Variants in BTRC observed in about 807,000 individuals in gnomAD.
BTRC encodes the protein F-box/WD repeat-containing protein 1A.
A neutral mutation model predicts 85.5 loss-of-function variants in BTRC; 42 were observed. The observed-to-expected ratio is 0.49, with a 90% confidence interval of 0.38 to 0.64. The LOEUF (loss-of-function observed/expected upper bound fraction) is 0.64, where lower values mean the gene tolerates loss of function less well. Ranked by LOEUF, BTRC falls within the 30% of genes least tolerant of loss-of-function variation. The pLI, the probability that BTRC is intolerant of heterozygous loss-of-function variation, is 0.00. For missense variants in BTRC, 594 were observed against 743.5 expected, an observed-to-expected ratio of 0.80 and a Z score of 2.34; for synonymous variants, 255 against 263.3, an observed-to-expected ratio of 0.97 and a Z score of 0.30.
Position 101,462,055 on chromosome 10 carries a change from A to G in BTRC, c.231A>G (p.Arg77=). Residue 77 remains arginine, a synonymous_variant, in exon 3 of 15, where the codon AGA becomes AGG. Coordinates refer to ENST00000370187, the MANE Select transcript of BTRC (RefSeq NM_033637.4). ...TAATACCAGAGAAGAATTCACTTAGACAGGTATGAAATTCAGCCTTACTTA... is the reference window on the plus strand; with the variant it reads ...TAATACCAGAGAAGAATTCACTTAGGCAGGTATGAAATTCAGCCTTACTTA... ...RKIIPEKNSL[R]QTYNSCARLC... is the part of the protein sequence containing the mutation. 1.2e-6 allele frequency: 2 copies of G among 1,607,780 alleles called. No individual in the cohort carries two copies. Among genetic ancestry groups the G allele is most frequent in the Non-Finnish European group, 1.7e-6 (2 of 1,175,282 alleles).
intron 1 of BTRC, among the ~76,000 whole-genome samples, chr10:101,381,295 A>C (rs114453878): frequency 2.6e-4 from 40 of 152,282 alleles, no homozygotes; most frequent in African/African-American, 9.6e-4. Flanking sequence ...ACAGGTTGTT[A>C]CTTTTTCCAG....
chr10:101,528,294 T>C (rs2062230228), intron 6 of BTRC, among the ~76,000 whole-genome samples: 1 of 135,122 alleles, frequency 7.4e-6, no homozygotes, highest in African/African-American at 2.5e-5. Flanking sequence ...GGCAGATGGA[T>C]GTGAAAATGC....
chr10:101,359,604 A>T (rs1478686451), intron 1 of BTRC, among the ~76,000 whole-genome samples: 106 of 137,928 alleles, frequency 7.7e-4, no homozygotes, highest in Non-Finnish European at 5.5e-4. Context: ...ATTTTGTTGT[A>T]TTTTTTTTTT....
At chr10:101,433,767 A>G (rs555818299) in intron 2 of BTRC, among the ~76,000 whole-genome samples, 1 of 152,292 alleles carries the variant, frequency 6.6e-6, no homozygotes, top group East Asian at 1.9e-4. Flanking sequence ...TCTGGCTATA[A>G]GAAGATGCAT....
chr10:101,554,357 C>G lies in BTRC; in HGVS notation c.*1234C>G, dbSNP rs773656050. ...AATACCCAGGTGCCTGTATCTTTGC[C>G]AAGACCGTGATCAAGGTAGCTTAAG... is the stretch of plus-strand genomic sequence containing the variant. On this transcript the variant is annotated 3_prime_UTR_variant, in exon 15 of 15. Transcript: ENST00000370187. 6.6e-6 allele frequency: 1 copy of G among 152,214 alleles called. No homozygotes were observed. Among genetic ancestry groups the G allele is most frequent in the Non-Finnish European group, 1.5e-5 (1 of 68,026 alleles). 9.4% of individuals were successfully genotyped at this position (152,214 alleles called of 1,614,324 possible). A position where few individuals can be genotyped will look rare whatever the true frequency, so the allele number is the denominator to read the frequency against.
At chr10:101,380,470 G>A (rs1225929263) in intron 1 of BTRC, among the ~76,000 whole-genome samples, 2 of 152,044 alleles carry the variant, frequency 1.3e-5, no homozygotes, top group East Asian at 3.9e-4. Flanking sequence ...CTTCACACTT[G>A]GAGGGTTGCA....
chr10:101,366,949 T>TATATATATTAATATATTA (rs1554862295), intron 1 of BTRC, among the ~76,000 whole-genome samples: 4 of 39,502 alleles, frequency 1.0e-4, no homozygotes, highest in African/African-American at 3.1e-4. Flanking sequence ...TATATATATT[T>TATATATATTAATATATTA]ATATATATAT....
At chr10:101,519,074 C>CG (rs2062063833) in intron 4 of BTRC, among the ~76,000 whole-genome samples, 1 of 104,936 alleles carries the variant, frequency 9.5e-6, no homozygotes, top group African/African-American at 3.5e-5. Flanking sequence ...CTCTTCTCAG[C>CG]TTTTTTTTTT....
chr10:101,419,249 G>T (rs369047909), intron 1 of BTRC, among the ~76,000 whole-genome samples: 3 of 152,052 alleles, frequency 2.0e-5, no homozygotes, highest in Admixed American at 6.6e-5. Flanking sequence ...GACCTCAGGC[G>T]ATCCACCCAC....
At chr10:101,526,258 C>G in intron 6 of BTRC, 59 bp downstream of exon 6, 3 of 1,506,272 alleles carry the variant, frequency 2.0e-6, no homozygotes, top group Non-Finnish European at 2.7e-6. Context: ...TTCACAGTCA[C>G]TGAAAGATTT....
At chr10:101,409,734 G>A (rs2134019743) in intron 1 of BTRC, among the ~76,000 whole-genome samples, 1 of 152,326 alleles carries the variant, frequency 6.6e-6, no homozygotes, top group East Asian at 1.9e-4. Flanking sequence ...GACCACCATG[G>A]TATATGCAGT....
Position 101,475,613 on chromosome 10 carries a change from C to T in BTRC, c.235-3755C>T, listed in dbSNP as rs150222199. Among the ~76,000 whole-genome samples, 697 of 152,062 alleles carry T rather than the reference C, an allele frequency of 4.6e-3. 3 individuals are homozygous for T. The highest frequency in any genetic ancestry group is 7.7e-3 in the Admixed American group (118 of 15,270). The stretch of plus-strand genomic sequence containing the variant: ...GGAGTTATATATCTCTACTATTTTC[C>T]CCATTTTTTCTTAAATTTTATCTAT... On this transcript the variant is annotated intron_variant, in intron 3 of 14. Transcript: ENST00000370187.
At chr10:101,402,000 CTGT>C (rs1589424991) in intron 1 of BTRC, among the ~76,000 whole-genome samples, 1 of 152,176 alleles carries the variant, frequency 6.6e-6, no homozygotes, top group East Asian at 1.9e-4. Flanking sequence ...CTTTTAAGAT[CTGT>C]TGTTTTCTGT....
intron 1 of BTRC, among the ~76,000 whole-genome samples, chr10:101,414,214 A>G (rs1189273993): frequency 6.6e-6 from 1 of 152,214 alleles, no homozygotes; most frequent in Non-Finnish European, 1.5e-5. Context: ...GGATTTATAC[A>G]GTACAGGCAT....
intron 1 of BTRC, among the ~76,000 whole-genome samples, chr10:101,402,995 CT>C (rs1294328593): frequency 2.0e-5 from 3 of 152,066 alleles, no homozygotes; most frequent in Non-Finnish European, 4.4e-5. Flanking sequence ...GTGGCTAAAC[CT>C]TTAAATCTCT....
At chr10:101,521,903 T>C in intron 5 of BTRC, 33 bp downstream of exon 5, 1 of 1,523,340 alleles carries the variant, frequency 6.6e-7, no homozygotes, top group Non-Finnish European at 9.1e-7. Context: ...ACCATTAATT[T>C]GCTATGATGA....
intron 2 of BTRC, among the ~76,000 whole-genome samples, chr10:101,438,680 T>C: frequency 6.6e-6 from 1 of 152,170 alleles, no homozygotes; most frequent in Non-Finnish European, 1.5e-5. Flanking sequence ...GTACTTGTTT[T>C]GTTACTGGTA....
intron 2 of BTRC, among the ~76,000 whole-genome samples, chr10:101,443,646 GT>G (rs1273859890): frequency 6.6e-6 from 1 of 152,160 alleles, no homozygotes; most frequent in African/African-American, 2.4e-5. Flanking sequence ...ATTAAAATAT[GT>G]TTGAATATGC....
At chr10:101,422,035 A>G (rs1424865701) in intron 1 of BTRC, among the ~76,000 whole-genome samples, 1 of 152,184 alleles carries the variant, frequency 6.6e-6, no homozygotes. Context: ...TAGATCCCTG[A>G]GGAATTGCCA....
Sources: gnomAD v4.1 joint callset for allele counts (sites outside exome capture counted in the v4.1 genomes callset) on GRCh38, gnomAD v4.1.1 for gene constraint, MANE v1.5 for transcripts, NCBI Gene and HGNC (gene_info 2026-07-23, HGNC 2026-07-21) for gene names.